The following NRG3 variants were observed in gnomAD, a reference collection of about 807,000 sequenced individuals.
NRG3 encodes the protein neuregulin 3, also known as pro-neuregulin-3, membrane-bound isoform.
A neutral mutation model predicts 66.9 loss-of-function variants in NRG3; 31 were observed. That is an observed-to-expected ratio of 0.46 (90% CI 0.35 to 0.63). NRG3 has a LOEUF of 0.63. Among genes scored for constraint, NRG3 ranks in the 20% least tolerant of loss-of-function variants. The pLI, the probability that NRG3 is intolerant of heterozygous loss-of-function variation, is 0.00. For synonymous variants in NRG3, 393 were observed against 359.4 expected, an observed-to-expected ratio of 1.09 and a Z score of -1.06; for missense variants, 910 against 878.9, an observed-to-expected ratio of 1.04 and a Z score of -0.45.
chr10:82,159,895 A>G (rs1277999287), intron 1 of NRG3, among the ~76,000 whole-genome samples: 2 of 151,956 alleles, frequency 1.3e-5, no homozygotes, highest in Admixed American at 6.6e-5. Flanking sequence ...ATGCTGTCAG[A>G]TGTTCACCTG....
At chr10:82,300,072 G>T (rs2080306579) in intron 1 of NRG3, among the ~76,000 whole-genome samples, 1 of 151,982 alleles carries the variant, frequency 6.6e-6, no homozygotes, top group African/African-American at 2.4e-5. Flanking sequence ...CACACACAAA[G>T]AATGTCAACT....
intron 2 of NRG3, among the ~76,000 whole-genome samples, chr10:82,725,823 C>T (rs559002961): frequency 6.2e-4 from 94 of 152,246 alleles, no homozygotes; most frequent in African/African-American, 2.2e-3. Flanking sequence ...GTAGAATTCA[C>T]GTTCTAGTCT....
chr10:82,573,981 C>T (rs1006259973), intron 2 of NRG3, among the ~76,000 whole-genome samples: 4 of 151,648 alleles, frequency 2.6e-5, no homozygotes, highest in Non-Finnish European at 4.4e-5. Context: ...ATGGAGGTTC[C>T]TCAAATGTTA....
At chr10:81,917,057 T>G (rs1845780395) in intron 1 of NRG3, among the ~76,000 whole-genome samples, 1 of 152,168 alleles carries the variant, frequency 6.6e-6, no homozygotes, top group South Asian at 2.1e-4. Context: ...TCTCTTCAAA[T>G]TAGACAATAC....
chr10:81,876,200 T>G, intron 1 of NRG3, 37 bp downstream of exon 1: 1 of 1,535,026 alleles, frequency 6.5e-7, no homozygotes, highest in Non-Finnish European at 8.8e-7. Context: ...GATTTACTAC[T>G]GAGTTTCCCT....
chr10:82,977,927 C>T (rs571899004), intron 7 of NRG3, among the ~76,000 whole-genome samples: 1 of 152,152 alleles, frequency 6.6e-6, no homozygotes, highest in South Asian at 2.1e-4. Context: ...TCTTTAGAAC[C>T]TTGATAAATT....
At chr10:82,181,008 C>A (rs1028633436) in intron 1 of NRG3, among the ~76,000 whole-genome samples, 5 of 151,660 alleles carry the variant, frequency 3.3e-5, no homozygotes, top group Admixed American at 1.3e-4. Flanking sequence ...TCTTGGTAGA[C>A]TGAATTTATC....
At chr10:82,358,918 G>C (rs772114036) in intron 2 of NRG3, 50 bp downstream of exon 2, 8 of 1,611,916 alleles carry the variant, frequency 5.0e-6, no homozygotes, top group Admixed American at 1.7e-5. Context: ...TGCAAGGCGT[G>C]GGGGTGGAGG....
chr10:82,355,140 G>A (rs754755476), intron 1 of NRG3, among the ~76,000 whole-genome samples: 1 of 152,148 alleles, frequency 6.6e-6, no homozygotes, highest in Non-Finnish European at 1.5e-5. Flanking sequence ...ATATAAACAA[G>A]CTTCCAAAAG....
intron 1 of NRG3, among the ~76,000 whole-genome samples, chr10:82,133,032 T>C (rs2069050024): frequency 6.6e-6 from 1 of 152,008 alleles, no homozygotes; most frequent in Non-Finnish European, 1.5e-5. Flanking sequence ...TTGTTGATTT[T>C]TTGTATTTTT....
chr10:82,710,577 A>T (rs1482854468), intron 2 of NRG3, among the ~76,000 whole-genome samples: 2 of 102,180 alleles, frequency 2.0e-5, no homozygotes, highest in Admixed American at 2.7e-4. Context: ...CAAGAGCAAG[A>T]CTCCATCTCA....
chr10:82,305,685 GTA>G (rs2080686864), intron 1 of NRG3, among the ~76,000 whole-genome samples: 1 of 151,646 alleles, frequency 6.6e-6, no homozygotes, highest in Non-Finnish European at 1.5e-5. Context: ...TATCCTATAG[GTA>G]TTATTATTTT....
intron 1 of NRG3, among the ~76,000 whole-genome samples, chr10:82,006,052 A>C (rs559318280): frequency 6.6e-6 from 1 of 152,040 alleles, no homozygotes; most frequent in South Asian, 2.1e-4. Flanking sequence ...TGTAATGCTA[A>C]ATAGATCTTC....
chr10:82,215,060 A>G (rs970056977), intron 1 of NRG3, among the ~76,000 whole-genome samples: 10 of 152,208 alleles, frequency 6.6e-5, no homozygotes, highest in African/African-American at 1.4e-4. Flanking sequence ...AAGAACATGT[A>G]CATCTCTGAC....
At chr10:82,547,377 ATATG>A (rs1565054437) in intron 2 of NRG3, among the ~76,000 whole-genome samples, 1 of 151,240 alleles carries the variant, frequency 6.6e-6, no homozygotes, top group African/African-American at 2.4e-5. Context: ...ATCTATCTAT[ATATG>A]TATGTATATA....
chr10:82,524,708 T>C (rs1203045285), intron 2 of NRG3, among the ~76,000 whole-genome samples: 2 of 151,918 alleles, frequency 1.3e-5, no homozygotes, highest in African/African-American at 2.4e-5. Context: ...TGAAAACTCA[T>C]GTTCTTTTTA....
At chr10:82,575,720 A>G (rs1393357956) in intron 2 of NRG3, among the ~76,000 whole-genome samples, 1 of 151,800 alleles carries the variant, frequency 6.6e-6, no homozygotes, top group Non-Finnish European at 1.5e-5. Context: ...CAAAGGGACA[A>G]TATAGATTAA....
rs141773344 is a variant in NRG3 at position 82,967,676 on chromosome 10, A to G, written c.1285-6112A>G. 4.9e-3 allele frequency among the ~76,000 whole-genome samples: 744 copies of G among 152,302 alleles called. 6 individuals are homozygous for G. Among genetic ancestry groups the G allele is most frequent in the African/African-American group, 0.017 (698 of 41,568 alleles). ...GGGGAAGTGCCTTCTTTCTGGTGAG[A>G]TAAGGCTCTGGTAAAATATTTTTAC... On this transcript the variant is annotated intron_variant, in intron 6 of 8. Coordinates refer to ENST00000372141, the MANE Select transcript of NRG3 (RefSeq NM_001010848.4).
intron 2 of NRG3, among the ~76,000 whole-genome samples, chr10:82,662,475 T>G (rs1370696409): frequency 6.6e-6 from 1 of 152,184 alleles, no homozygotes; most frequent in Non-Finnish European, 1.5e-5. Flanking sequence ...AGAGCAGTCC[T>G]TGAAATTATC....
Sources: gnomAD v4.1 joint callset for allele counts (sites outside exome capture counted in the v4.1 genomes callset) on GRCh38, gnomAD v4.1.1 for gene constraint, MANE v1.5 for transcripts, NCBI Gene and HGNC (gene_info 2026-07-23, HGNC 2026-07-21) for gene names.